ZNF516: variants seen among roughly 807,000 people sequenced by gnomAD.
The protein encoded by ZNF516 is zinc finger protein 516.
Under a neutral mutation model 79.7 loss-of-function variants are expected in ZNF516, and 19 were observed. The ratio of observed to expected loss-of-function variants is 0.24; its 90% CI spans 0.17 to 0.35. The LOEUF (loss-of-function observed/expected upper bound fraction) is 0.35, where lower values mean the gene tolerates loss of function less well. Among genes scored for constraint, ZNF516 ranks in the 10% least tolerant of loss-of-function variants. The probability of loss-of-function intolerance (pLI) is 1.00; values close to 1 mark genes in which losing one functional copy is unlikely to be tolerated. For synonymous variants in ZNF516, 877 were observed against 739.5 expected, an observed-to-expected ratio of 1.19 and a Z score of -3.02; for missense variants, 1,678 against 1,679.5, an observed-to-expected ratio of 1.00 and a Z score of 0.02.
intron 1 of ZNF516, among the ~76,000 whole-genome samples, chr18:76,481,061 G>GAA (rs1914497185): frequency 6.6e-6 from 1 of 152,176 alleles, no homozygotes; most frequent in Non-Finnish European, 1.5e-5. Flanking sequence ...CCAGGTTTCT[G>GAA]AGCTGAGGAG....
chr18:76,376,437 G>A (rs1362993838), intron 4 of ZNF516, among the ~76,000 whole-genome samples: 1 of 151,538 alleles, frequency 6.6e-6, no homozygotes, highest in Non-Finnish European at 1.5e-5. Context: ...ATGTCTCAAT[G>A]TGTACATTAG....
chr18:76,492,595 T>C, intron 1 of ZNF516: 1 of 488,064 alleles, frequency 2.0e-6, no homozygotes, highest in Non-Finnish European at 2.7e-6. Context: ...CAATCCGCGT[T>C]CTCAGTTCGC....
At chr18:76,450,021 T>C (rs1912297890) in intron 2 of ZNF516, among the ~76,000 whole-genome samples, 1 of 152,186 alleles carries the variant, frequency 6.6e-6, no homozygotes, top group South Asian at 2.1e-4. Flanking sequence ...TATTACAGGA[T>C]ATTTGAGAAC....
intron 3 of ZNF516, among the ~76,000 whole-genome samples, chr18:76,398,147 G>A (rs963809170): frequency 3.9e-5 from 6 of 152,156 alleles, no homozygotes; most frequent in East Asian, 1.9e-4. Flanking sequence ...ATAAAGAAGC[G>A]TCGCTCAGGT....
chr18:76,371,140 G>C (rs1050939740), intron 5 of ZNF516, among the ~76,000 whole-genome samples: 4 of 152,224 alleles, frequency 2.6e-5, no homozygotes, highest in Non-Finnish European at 4.4e-5. Context: ...TGCTAAAAGG[G>C]TGCTTTGATT....
intron 3 of ZNF516, chr18:76,389,432 A>C (rs2075038839): frequency 6.6e-6 from 1 of 152,236 alleles, no homozygotes; most frequent in African/African-American, 2.4e-5. Context: ...GCTGCCTTAT[A>C]AACAGTGCAT....
At chr18:76,488,231 G>T in intron 1 of ZNF516, 1 of 985,350 alleles carries the variant, frequency 1.0e-6, no homozygotes, top group Non-Finnish European at 1.2e-6. Context: ...AGTAGGGGCC[G>T]CTTCCAAGGC....
rs193132438 is a variant in ZNF516, at chr18:76,407,212, T to C, written c.1811-26909A>G. On this transcript the variant is annotated intron_variant, in intron 3 of 6. Transcript: ENST00000443185. ...CCTTCCAAAGGCCAAGGAGGATCAC[T>C]TGAGTGCAAGAGTTCGAGAACAACC... Among the ~76,000 whole-genome samples, 131 of 152,178 alleles carry C rather than the reference T, an allele frequency of 8.6e-4. 1 individual carries two copies. In the East Asian group the frequency reaches 0.017, roughly 20 times the overall value.
chr18:76,366,823 T>C (rs1021514706), intron 6 of ZNF516, among the ~76,000 whole-genome samples: 1 of 152,314 alleles, frequency 6.6e-6, no homozygotes, highest in Middle Eastern at 3.4e-3. Context: ...TAAGCACCAT[T>C]ATCATTATTT....
chr18:76,392,836 C>CGTGGAT (rs2075099809), intron 3 of ZNF516, among the ~76,000 whole-genome samples: 6 of 37,520 alleles, frequency 1.6e-4, no homozygotes, highest in Non-Finnish European at 2.8e-4. Context: ...GGTGGGAAGC[C>CGTGGAT]GGGAAGGCAG....
intron 6 of ZNF516, among the ~76,000 whole-genome samples, chr18:76,367,306 G>A (rs1159769831): frequency 6.6e-6 from 1 of 152,180 alleles, no homozygotes; most frequent in African/African-American, 2.4e-5. Context: ...CTGGGATCAA[G>A]CTAAGCGCCT....
At chr18:76,396,831 G>A (rs1023120713) in intron 3 of ZNF516, among the ~76,000 whole-genome samples, 2 of 152,218 alleles carry the variant, frequency 1.3e-5, no homozygotes, top group African/African-American at 4.8e-5. Flanking sequence ...GTCAGACGAT[G>A]TTTTTGGATA....
At chr18:76,415,787 T>G (rs562087425) in intron 3 of ZNF516, among the ~76,000 whole-genome samples, 1 of 152,294 alleles carries the variant, frequency 6.6e-6, no homozygotes, top group South Asian at 2.1e-4. Context: ...AGTTCAGGGT[T>G]TCTGATTCAG....
chr18:76,489,390 A>G (rs1915024570), intron 1 of ZNF516, among the ~76,000 whole-genome samples: 1 of 152,190 alleles, frequency 6.6e-6, no homozygotes, highest in South Asian at 2.1e-4. Flanking sequence ...CCTTTTTCAC[A>G]TACGTTGCTA....
rs774297860 is a variant in ZNF516, at chr18:76,442,943, T to C, written c.112A>G (p.Ile38Val). The C allele has an allele frequency of 6.2e-7, 1 of 1,610,790 alleles. No individual in the cohort carries two copies. ...GDKATCHTCC[I>V]CGKSFPFQSS... ...TGGAAGGGGAAGCTCTTGCCGCAGA[T>C]GCAGCAGGTGTGGCAGGTAGCCTTG... The change falls in exon 3 of 7, where the codon ATC becomes GTC. Residue 38 changes from isoleucine to valine, a missense_variant. By Grantham distance (29) the Ile-to-Val change is conservative. Transcript: ENST00000443185.
intron 4 of ZNF516, among the ~76,000 whole-genome samples, chr18:76,374,424 G>C (rs2074754280): frequency 6.6e-6 from 1 of 152,172 alleles, no homozygotes; most frequent in Non-Finnish European, 1.5e-5. Flanking sequence ...AAATGGTCAG[G>C]GAGTCCCTAA....
chr18:76,436,410 C>CT (rs757053125), intron 3 of ZNF516, among the ~76,000 whole-genome samples: 11 of 152,166 alleles, frequency 7.2e-5, no homozygotes, highest in African/African-American at 9.7e-5. Flanking sequence ...CAACCTCTTT[C>CT]TTTGAATCGT....
intron 3 of ZNF516, among the ~76,000 whole-genome samples, chr18:76,413,631 C>G (rs917000806): frequency 1.2e-4 from 19 of 152,138 alleles, no homozygotes; most frequent in Non-Finnish European, 5.9e-5. Flanking sequence ...ACCTTAACGC[C>G]CACCCCCAAA....
intron 5 of ZNF516, among the ~76,000 whole-genome samples, chr18:76,371,057 G>A (rs563676356): frequency 5.6e-4 from 85 of 152,312 alleles, no homozygotes; most frequent in Non-Finnish European, 1.1e-3. Context: ...ATCCTGCATG[G>A]TCCAAAGGGG....
Sources: gnomAD v4.1 joint callset for allele counts (sites outside exome capture counted in the v4.1 genomes callset) on GRCh38, gnomAD v4.1.1 for gene constraint, MANE v1.5 for transcripts, NCBI Gene and HGNC (gene_info 2026-07-23, HGNC 2026-07-21) for gene names.